BBIP1: variants seen among roughly 807,000 people sequenced by gnomAD.
BBIP1 encodes BBSome-interacting protein 1.
In BBIP1, 6 loss-of-function variants were observed where a neutral mutation model predicts 8.9. That is an observed-to-expected ratio of 0.67 (90% CI 0.37 to 1.33). BBIP1 has a LOEUF of 1.33. Among genes scored for constraint, BBIP1 ranks in the 40% most tolerant of loss-of-function variants. BBIP1 has a pLI of 0.02. For missense variants in BBIP1, 111 were observed against 109.2 expected (o/e 1.02, Z -0.07); for synonymous variants, 32 against 33.4 (o/e 0.96, Z 0.14).
chr10:110,910,972 G>A (rs1361110941), intron 2 of BBIP1: 1 of 152,134 alleles, frequency 6.6e-6, no homozygotes, highest in South Asian at 2.1e-4. Flanking sequence ...CTAGTGTGGT[G>A]GTTGAAAGAA....
At chr10:110,906,231 C>T (rs1466695869) in intron 2 of BBIP1, among the ~76,000 whole-genome samples, 2 of 152,164 alleles carry the variant, frequency 1.3e-5, no homozygotes, top group Admixed American at 6.5e-5. Flanking sequence ...TGGTCTTGAT[C>T]TCCTGACCTC....
intron 2 of BBIP1, among the ~76,000 whole-genome samples, chr10:110,916,767 C>T (rs1846413496): frequency 1.3e-5 from 2 of 152,146 alleles, no homozygotes; most frequent in African/African-American, 4.8e-5. Context: ...TGCATCAGCT[C>T]CAAGAATAGG....
intron 1 of BBIP1, 27 bp downstream of exon 1, chr10:110,919,094 C>T (rs1370989148): frequency 6.5e-6 from 1 of 152,934 alleles, no homozygotes; most frequent in African/African-American, 2.4e-5. Flanking sequence ...GTGTGGTCAC[C>T]CACGGTACCT....
At chr10:110,901,639 A>G (rs781046138) in intron 2 of BBIP1, 27 bp from the exon 3 acceptor site, 13 of 1,477,632 alleles carry the variant, frequency 8.8e-6, no homozygotes, top group Non-Finnish European at 1.2e-5. Context: ...GTATTATTCA[A>G]GAATACATTC....
At position 110,914,608 on chromosome 10, in the gene BBIP1, A is replaced by G. The variant is rs530087543; in HGVS notation, c.37+3513T>C. Among the ~76,000 whole-genome samples the G allele has an allele frequency of 3.7e-4, 56 of 152,306 alleles. No homozygotes were observed. The East Asian group carries it at 7.3e-3, about 20-fold the overall frequency. ...GAGATGCCAAGTAACATATGACATC[A>G]TATGTCATATGTCGGAGACTACAGC... On this transcript the variant is annotated intron_variant, in intron 2 of 3. Transcript: ENST00000448814.
At position 110,900,266 on chromosome 10, in the gene BBIP1, A is replaced by G. The variant is rs758020009; in HGVS notation, c.*94T>C. 2.2e-5 allele frequency: 26 copies of G among 1,167,436 alleles called. No individual in the cohort carries two copies. The highest frequency in any genetic ancestry group is 2.9e-5 in the Non-Finnish European group (25 of 864,606). The allele number at this position is 1,167,436 out of a possible 1,614,324, so 72.3% of individuals were successfully genotyped here. A position where few individuals can be genotyped will look rare whatever the true frequency, so the allele number is the denominator to read the frequency against. ...TATGAATACTATCAATTTTATTGATAACACATACTACTTTCAGCACACAGA... is the reference window on the plus strand; with the variant it reads ...TATGAATACTATCAATTTTATTGATGACACATACTACTTTCAGCACACAGA... On this transcript the variant is annotated 3_prime_UTR_variant, in exon 4 of 4. Coordinates refer to ENST00000448814, the MANE Select transcript of BBIP1 (RefSeq NM_001195305.3).
intron 2 of BBIP1, 140 bp from the exon 3 acceptor site, chr10:110,901,752 T>C (rs1176703257): frequency 9.1e-6 from 6 of 655,862 alleles, no homozygotes; most frequent in Non-Finnish European, 1.6e-5. Context: ...TTGCCATTAA[T>C]TTCCTGTGAC....
At chr10:110,918,642 T>C (rs1440635509) in intron 1 of BBIP1, among the ~76,000 whole-genome samples, 1 of 152,220 alleles carries the variant, frequency 6.6e-6, no homozygotes, top group African/African-American at 2.4e-5. Flanking sequence ...CCGGCCGGGC[T>C]GCCTCTGGCT....
chr10:110,918,208 A>T lies in BBIP1; in HGVS notation c.-51T>A. 1 of 1,405,464 alleles carries T rather than the reference A, an allele frequency of 7.1e-7. No individual in the cohort carries two copies. Among genetic ancestry groups the T allele is most frequent in the Non-Finnish European group, 9.7e-7 (1 of 1,028,544 alleles). 87.1% of individuals were successfully genotyped at this position (1,405,464 alleles called of 1,614,324 possible). ...TAGAGTTCTTGACTCAAGCATACAG[A>T]AGAAACTACAAGATAATGTATGATA... is the stretch of plus-strand genomic sequence containing the variant. On this transcript the variant is annotated 5_prime_UTR_variant, in exon 2 of 4. Coordinates refer to ENST00000448814, the MANE Select transcript of BBIP1 (RefSeq NM_001195305.3).
intron 2 of BBIP1, among the ~76,000 whole-genome samples, chr10:110,915,188 G>A (rs1003829480): frequency 3.3e-5 from 5 of 151,932 alleles, no homozygotes; most frequent in Admixed American, 1.3e-4. Context: ...ACAGGGTCTC[G>A]CTCTGTTGCT....
At chr10:110,902,025 G>A (rs1224931370) in intron 2 of BBIP1, 1 of 163,082 alleles carries the variant, frequency 6.1e-6, no homozygotes, top group Non-Finnish European at 1.4e-5. Context: ...GAGGCAGGTA[G>A]TTAGGAAAAG....
At chr10:110,915,159 CTTTT>C (rs781084002) in intron 2 of BBIP1, among the ~76,000 whole-genome samples, 8 of 151,904 alleles carry the variant, frequency 5.3e-5, no homozygotes, top group Non-Finnish European at 1.2e-4. Context: ...AATACTTTTT[CTTTT>C]TTTGTTTTTT....
chr10:110,901,563 C>T lies in BBIP1; in HGVS notation c.87G>A (p.Met29Ile). 6.5e-7 allele frequency: 1 copy of T among 1,535,550 alleles called. No individual in the cohort carries two copies. Among genetic ancestry groups the T allele is most frequent in the Non-Finnish European group, 8.7e-7 (1 of 1,146,424 alleles). The change falls in exon 3 of 4, where the codon ATG (methionine) becomes ATA (isoleucine). Residue 29 changes from methionine (M) to isoleucine (I), a missense_variant. Transcript: ENST00000448814. ...NNSDMAEVKS[M>I]FREVLPKQGP... is the part of the protein sequence containing the mutation. ...CTTGCTTTGGAAGAACTTCCCGGAA[C>T]ATTGACTTCACTTCTGCCATATCTG...
intron 2 of BBIP1, among the ~76,000 whole-genome samples, chr10:110,917,680 T>C (rs1442818931): frequency 3.9e-5 from 6 of 152,118 alleles, no homozygotes; most frequent in Non-Finnish European, 8.8e-5. Flanking sequence ...GTCTTGGGCA[T>C]CCAAGAGACA....
At chr10:110,904,404 G>A (rs2134023892) in intron 2 of BBIP1, 1 of 152,346 alleles carries the variant, frequency 6.6e-6, no homozygotes, top group Non-Finnish European at 1.5e-5. Context: ...GGGGATTAAG[G>A]AATGCTGAGG....
At position 110,901,527 on chromosome 10, in the gene BBIP1, G is replaced by A; in HGVS notation, c.112+11C>T. 2 of 1,519,456 alleles carry A rather than the reference G, an allele frequency of 1.3e-6. No homozygotes were observed. Among genetic ancestry groups the A allele is most frequent in the Non-Finnish European group, 1.8e-6 (2 of 1,131,802 alleles). 94.1% of individuals were successfully genotyped at this position (1,519,456 alleles called of 1,614,324 possible). A position where few individuals can be genotyped will look rare whatever the true frequency, so the allele number is the denominator to read the frequency against. On this transcript the variant is annotated intron_variant, in intron 3 of 3. Coordinates refer to ENST00000448814, the MANE Select transcript of BBIP1 (RefSeq NM_001195305.3). ...AATAATCAATGACCTCAATATTTGT[G>A]ATGTACATACCTTGCTTTGGAAGAA... is the stretch of plus-strand genomic sequence containing the variant.
intron 2 of BBIP1, among the ~76,000 whole-genome samples, chr10:110,908,792 TA>T (rs11320285): frequency 0.92 from 130,656 of 142,560 alleles, 60,104 homozygotes; most frequent in Non-Finnish European, 0.96. Context: ...AAGGAATGCT[TA>T]AAAAAAAAAA....
At chr10:110,906,103 T>C (rs891026523) in intron 2 of BBIP1, among the ~76,000 whole-genome samples, 9 of 151,132 alleles carry the variant, frequency 6.0e-5, no homozygotes, top group Non-Finnish European at 8.9e-5. Flanking sequence ...CCCGGGTTCA[T>C]GCCATTCTCC....
Position 110,900,283 on chromosome 10 carries a change from G to T in BBIP1, c.*77C>A. ...TTATTGATAACACATACTACTTTCA[G>T]CACACAGAAGCATATTTTCTAGTTA... On this transcript the variant is annotated 3_prime_UTR_variant, in exon 4 of 4. Coordinates refer to ENST00000448814, the MANE Select transcript of BBIP1 (RefSeq NM_001195305.3). The T allele has an allele frequency of 7.7e-7, 1 of 1,305,268 alleles. No individual in the cohort carries two copies. Among genetic ancestry groups the T allele is most frequent in the South Asian group, 1.5e-5 (1 of 65,700 alleles). 80.9% of individuals were successfully genotyped at this position (1,305,268 alleles called of 1,614,324 possible).
Sources: gnomAD v4.1 joint callset for allele counts (sites outside exome capture counted in the v4.1 genomes callset) on GRCh38, gnomAD v4.1.1 for gene constraint, MANE v1.5 for transcripts, NCBI Gene and HGNC (gene_info 2026-07-23, HGNC 2026-07-21) for gene names.